The following CDH18 variants were observed in gnomAD, a reference collection of about 807,000 sequenced individuals.
The protein encoded by CDH18 is cadherin 18.
A neutral mutation model predicts 67.9 loss-of-function variants in CDH18; 31 were observed. That is an observed-to-expected ratio of 0.46 (90% CI 0.34 to 0.62). The LOEUF (loss-of-function observed/expected upper bound fraction) is 0.62, where lower values mean the gene tolerates loss of function less well. Among genes scored for constraint, CDH18 ranks in the 20% least tolerant of loss-of-function variants. CDH18 has a pLI of 0.01. For synonymous variants in CDH18, 362 were observed against 347.2 expected (o/e 1.04, Z -0.48); for missense variants, 890 against 975.5 (o/e 0.91, Z 1.17).
chr5:20,203,402 T>C (rs183334457), intron 2 of CDH18, among the ~76,000 whole-genome samples: 1 of 152,238 alleles, frequency 6.6e-6, no homozygotes, highest in East Asian at 1.9e-4. Flanking sequence ...GGAGGTATGT[T>C]CCATGGTTCC....
At chr5:19,772,899 T>C (rs536822195) in intron 3 of CDH18, among the ~76,000 whole-genome samples, 2 of 152,180 alleles carry the variant, frequency 1.3e-5, no homozygotes, top group African/African-American at 4.8e-5. Context: ...ATCTTCTGCA[T>C]TGGTTATATA....
chr5:20,334,750 T>TA (rs1739558612), intron 1 of CDH18, among the ~76,000 whole-genome samples: 1 of 99,364 alleles, frequency 1.0e-5, no homozygotes, highest in Admixed American at 9.8e-5. Flanking sequence ...TCTCTCTCTC[T>TA]CATACACACA....
intron 1 of CDH18, among the ~76,000 whole-genome samples, chr5:20,411,304 G>A (rs896636887): frequency 2.0e-5 from 3 of 151,896 alleles, no homozygotes; most frequent in Admixed American, 1.3e-4. Context: ...TCCCACACAC[G>A]GTCAGCTGTT....
chr5:19,503,352 G>A (rs1433464474), intron 10 of CDH18, among the ~76,000 whole-genome samples: 6 of 151,472 alleles, frequency 4.0e-5, no homozygotes, highest in African/African-American at 9.8e-5. Context: ...CATTGCAAAC[G>A]CATTGATTTT....
chr5:19,658,149 C>A (rs1435512657), intron 5 of CDH18, among the ~76,000 whole-genome samples: 1 of 151,742 alleles, frequency 6.6e-6, no homozygotes, highest in Non-Finnish European at 1.5e-5. Context: ...ATGCAATTTT[C>A]TTGTACATTT....
chr5:19,787,213 G>C (rs771391393), intron 3 of CDH18, among the ~76,000 whole-genome samples: 1 of 152,104 alleles, frequency 6.6e-6, no homozygotes, highest in Admixed American at 6.6e-5. Context: ...ACAGTGCCTG[G>C]CAGAGCCAAG....
intron 1 of CDH18, among the ~76,000 whole-genome samples, chr5:20,446,814 A>T (rs1750037895): frequency 6.6e-6 from 1 of 152,196 alleles, no homozygotes. Flanking sequence ...CCTTCTATGA[A>T]AAAGGTCATC....
At chr5:19,680,534 G>T (rs1760139568) in intron 5 of CDH18, among the ~76,000 whole-genome samples, 1 of 151,866 alleles carries the variant, frequency 6.6e-6, no homozygotes, top group South Asian at 2.1e-4. Context: ...TCTAATAAAT[G>T]TATAATAGCC....
chr5:20,305,233 G>A (rs1399245212), intron 1 of CDH18: 18 of 1,383,460 alleles, frequency 1.3e-5, no homozygotes, highest in East Asian at 6.9e-5. Context: ...ACCAAATCCA[G>A]GAAACCGTCC....
chr5:19,676,684 G>A (rs947044729), intron 5 of CDH18, among the ~76,000 whole-genome samples: 4 of 151,876 alleles, frequency 2.6e-5, no homozygotes, highest in Non-Finnish European at 4.4e-5. Flanking sequence ...GCAATCCACC[G>A]GGAAAGTGAG....
At chr5:19,616,681 A>C (rs1296493473) in intron 5 of CDH18, among the ~76,000 whole-genome samples, 2 of 152,178 alleles carry the variant, frequency 1.3e-5, no homozygotes, top group Non-Finnish European at 2.9e-5. Context: ...TGGCTTACAC[A>C]CATCTCCAAC....
chr5:19,735,257 A>G (rs1768149005), intron 4 of CDH18, among the ~76,000 whole-genome samples: 1 of 152,146 alleles, frequency 6.6e-6, no homozygotes. Flanking sequence ...TGCTTTAATC[A>G]CATGGAATCT....
At chr5:20,254,148 T>C (rs1744059588) in intron 2 of CDH18, among the ~76,000 whole-genome samples, 2 of 152,226 alleles carry the variant, frequency 1.3e-5, no homozygotes, top group South Asian at 4.1e-4. Flanking sequence ...AGTTTAGCTC[T>C]GTCGCCCAGG....
At position 19,707,061 on chromosome 5, in the gene CDH18, G is replaced by C. The variant is rs532867688; in HGVS notation, c.643+14286C>G. The stretch of plus-strand genomic sequence containing the variant: ...AATAATAACTTGGGGTAGAGACTAT[G>C]CTTGTGTTTCTCCAGGACTGAATCA... On this transcript the variant is annotated intron_variant, in intron 5 of 12. Transcript: ENST00000382275. 2.6e-5 allele frequency among the ~76,000 whole-genome samples: 4 copies of C among 152,292 alleles called. No homozygotes were observed. In the East Asian group the frequency reaches 7.7e-4, roughly 29 times the overall value.
intron 2 of CDH18, among the ~76,000 whole-genome samples, chr5:19,908,957 C>T (rs1341667075): frequency 6.6e-6 from 1 of 152,064 alleles, no homozygotes; most frequent in Non-Finnish European, 1.5e-5. Context: ...GTCAGTTGGT[C>T]AGACTTGATT....
chr5:19,818,021 C>T (rs1779478327), intron 3 of CDH18, among the ~76,000 whole-genome samples: 1 of 151,666 alleles, frequency 6.6e-6, no homozygotes. Context: ...CCATTTTTTT[C>T]CCAAAATTTA....
At chr5:20,124,209 G>A (rs958938368) in intron 2 of CDH18, among the ~76,000 whole-genome samples, 1 of 152,160 alleles carries the variant, frequency 6.6e-6, no homozygotes, top group Non-Finnish European at 1.5e-5. Flanking sequence ...TTTGTTTTGG[G>A]GGAGGGAACA....
chr5:20,449,123 G>C (rs1372635934), intron 1 of CDH18, among the ~76,000 whole-genome samples: 1 of 151,878 alleles, frequency 6.6e-6, no homozygotes, highest in Non-Finnish European at 1.5e-5. Flanking sequence ...ACATCTTTTG[G>C]AACTTACATC....
intron 9 of CDH18, among the ~76,000 whole-genome samples, chr5:19,539,675 A>T (rs1749941680): frequency 6.6e-6 from 1 of 152,170 alleles, no homozygotes; most frequent in Non-Finnish European, 1.5e-5. Context: ...AAGCAAAGTC[A>T]CATCTTACGT....
Sources: gnomAD v4.1 joint callset for allele counts (sites outside exome capture counted in the v4.1 genomes callset) on GRCh38, gnomAD v4.1.1 for gene constraint, MANE v1.5 for transcripts, NCBI Gene and HGNC (gene_info 2026-07-23, HGNC 2026-07-21) for gene names.